FRMD5: variants seen among roughly 807,000 people sequenced by gnomAD.
FRMD5 encodes the protein FERM domain-containing protein 5.
A neutral mutation model predicts 69.0 loss-of-function variants in FRMD5; 20 were observed. The observed-to-expected ratio is 0.29, with a 90% CI of 0.20 to 0.42. FRMD5 has a LOEUF of 0.42. Ranked by LOEUF, FRMD5 falls within the 10% of genes least tolerant of loss-of-function variation. The pLI is 1.00. For synonymous variants in FRMD5, 271 were observed against 260.1 expected (o/e 1.04, Z -0.40); for missense variants, 595 against 708.6 (o/e 0.84, Z 1.82).
At chr15:44,121,442 T>C (rs2076949746) in intron 1 of FRMD5, among the ~76,000 whole-genome samples, 1 of 152,118 alleles carries the variant, frequency 6.6e-6, no homozygotes, top group Non-Finnish European at 1.5e-5. Flanking sequence ...TATTGCCATA[T>C]TAGTGCTGAA....
Position 43,874,204 on chromosome 15 carries a change from C to A in FRMD5, c.1394G>T (p.Ser465Ile), listed in dbSNP as rs114372958. 8.7e-4 allele frequency: 1,412 copies of A among 1,614,204 alleles called. 16 individuals carry two copies. In the African/African-American group the frequency reaches 0.017, roughly 19 times the overall value. ...CTCCACCTCTGTAGCAGTTGGGGTG[C>A]TGGCTTCAGATTCCTTCTCCTCCTC... The part of the protein sequence containing the change: ...SIEEEKESEA[S>I]TPTATEVEAL... Residue 465 changes from serine to isoleucine, a missense_variant, in exon 14 of 14, where the codon AGC becomes ATC. This residue lies in a region of FRMD5 where 245 missense variants were observed against 227.1 expected (regional missense o/e 1.08). Transcript: ENST00000417257.
chr15:43,882,997 G>A (rs1267032695), intron 13 of FRMD5, among the ~76,000 whole-genome samples: 1 of 151,912 alleles, frequency 6.6e-6, no homozygotes, highest in Non-Finnish European at 1.5e-5. Flanking sequence ...GGTAGAGAAG[G>A]GGTTTCACCA....
intron 1 of FRMD5, among the ~76,000 whole-genome samples, chr15:43,956,815 C>T (rs1595558574): frequency 6.6e-6 from 1 of 152,224 alleles, no homozygotes; most frequent in African/African-American, 2.4e-5. Context: ...GAGGGGATTA[C>T]TGATGTTCAT....
At chr15:44,108,791 C>T (rs1013939410) in intron 1 of FRMD5, among the ~76,000 whole-genome samples, 1 of 151,860 alleles carries the variant, frequency 6.6e-6, no homozygotes, top group East Asian at 1.9e-4. Flanking sequence ...CAGTGAGACA[C>T]CTCTACCAGT....
In FRMD5 at chr15:43,928,425, G is replaced by C. The variant is rs150429721; in HGVS notation, c.103-4116C>G. 9.2e-5 allele frequency among the ~76,000 whole-genome samples: 14 copies of C among 152,342 alleles called. No homozygotes were observed. In the East Asian group the frequency reaches 2.7e-3, roughly 29 times the overall value. On this transcript the variant is annotated intron_variant, in intron 1 of 13. Transcript: ENST00000417257. ...AGAGGCACCTTTCACAGAGGGTTGC[G>C]ACAAAGCCCTTCCTTTGAGGCACTC...
rs183790219 is a variant in FRMD5 at position 44,140,848 on chromosome 15, A to C, written c.102+54105T>G. Among the ~76,000 whole-genome samples the C allele has an allele frequency of 4.4e-3, 564 of 127,338 alleles. 3 individuals are homozygous for C. Among genetic ancestry groups the C allele is most frequent in the Non-Finnish European group, 5.9e-3 (376 of 64,238 alleles). The allele number at this position is 127,338 out of a possible 152,430, so 83.5% of individuals were successfully genotyped here. A position where few individuals can be genotyped will look rare whatever the true frequency, so the allele number is the denominator to read the frequency against. ...CAATGATCCAAGATCACATCATTGC[A>C]CTCTAGCCTGGGTGACAGAGTGAGA... is the stretch of plus-strand genomic sequence containing the variant. On this transcript the variant is annotated intron_variant, in intron 1 of 13. Coordinates refer to ENST00000417257, the MANE Select transcript of FRMD5 (RefSeq NM_032892.5).
chr15:43,903,619 A>G lies in FRMD5; in HGVS notation c.552-1357T>C, dbSNP rs2089100482. On this transcript the variant is annotated intron_variant, in intron 6 of 13. Coordinates refer to ENST00000417257, the MANE Select transcript of FRMD5 (RefSeq NM_032892.5). ...ACTTCTGCATCCACTAGTGTACCTG[A>G]GGCACAGGGAAGGTAAGTTAGGAAA... is the stretch of plus-strand genomic sequence containing the variant. Among the ~76,000 whole-genome samples the G allele has an allele frequency of 2.0e-5, 3 of 152,324 alleles. No homozygotes were observed. In the South Asian group the frequency reaches 6.2e-4, roughly 32 times the overall value.
chr15:44,187,780 G>T (rs2078126968), intron 1 of FRMD5, among the ~76,000 whole-genome samples: 1 of 152,012 alleles, frequency 6.6e-6, no homozygotes, highest in South Asian at 2.1e-4. Context: ...TGTTGCCCAG[G>T]ATAGACTCAA....
chr15:43,936,452 A>G (rs2089762515), intron 1 of FRMD5, among the ~76,000 whole-genome samples: 1 of 152,110 alleles, frequency 6.6e-6, no homozygotes, highest in Non-Finnish European at 1.5e-5. Context: ...TGGCCTCCCA[A>G]TGTGCTGGGA....
intron 6 of FRMD5, among the ~76,000 whole-genome samples, chr15:43,904,023 C>T (rs1232442841): frequency 6.6e-6 from 1 of 152,310 alleles, no homozygotes; most frequent in African/African-American, 2.4e-5. Context: ...CCTGGGAAGG[C>T]ACACCGAGGG....
intron 1 of FRMD5, among the ~76,000 whole-genome samples, chr15:44,094,829 A>G (rs1175944194): frequency 6.6e-6 from 1 of 152,126 alleles, no homozygotes; most frequent in Admixed American, 6.6e-5. Flanking sequence ...AATCAGACCA[A>G]GTTCATCCAC....
At chr15:44,161,972 T>C (rs1168483848) in intron 1 of FRMD5, among the ~76,000 whole-genome samples, 1 of 150,000 alleles carries the variant, frequency 6.7e-6, no homozygotes, top group African/African-American at 2.4e-5. Flanking sequence ...GACTTCCCTC[T>C]TTTCCTTGTC....
intron 1 of FRMD5, among the ~76,000 whole-genome samples, chr15:44,116,798 C>T (rs879503346): frequency 1.3e-5 from 2 of 152,058 alleles, no homozygotes; most frequent in Non-Finnish European, 2.9e-5. Flanking sequence ...TGTGACTGCA[C>T]GGGCTGGGTG....
chr15:44,016,954 T>C (rs924487931), intron 1 of FRMD5, among the ~76,000 whole-genome samples: 1 of 152,006 alleles, frequency 6.6e-6, no homozygotes, highest in African/African-American at 2.4e-5. Context: ...TAATTTTTTG[T>C]AGAAACAGGT....
chr15:44,143,509 A>G (rs2077304402), intron 1 of FRMD5, among the ~76,000 whole-genome samples: 1 of 151,992 alleles, frequency 6.6e-6, no homozygotes, highest in African/African-American at 2.4e-5. Context: ...TTGCTACTTA[A>G]GGCATCTTTC....
chr15:44,157,122 T>C (rs2077541226), intron 1 of FRMD5, among the ~76,000 whole-genome samples: 1 of 152,188 alleles, frequency 6.6e-6, no homozygotes, highest in Non-Finnish European at 1.5e-5. Context: ...TCATATTAAA[T>C]ACATACAATA....
At chr15:43,998,199 C>T (rs1595604408) in intron 1 of FRMD5, among the ~76,000 whole-genome samples, 2 of 152,086 alleles carry the variant, frequency 1.3e-5, no homozygotes, top group Non-Finnish European at 2.9e-5. Context: ...ATAAGACTAT[C>T]GCCTTTTAGT....
At chr15:43,887,726 C>T (rs1029317516) in intron 10 of FRMD5, among the ~76,000 whole-genome samples, 1 of 152,220 alleles carries the variant, frequency 6.6e-6, no homozygotes, top group African/African-American at 2.4e-5. Context: ...GTTACTGGAA[C>T]TGGGACCTGG....
At chr15:44,191,936 A>G (rs1038354542) in intron 1 of FRMD5, among the ~76,000 whole-genome samples, 3 of 122,864 alleles carry the variant, frequency 2.4e-5, no homozygotes, top group African/African-American at 9.5e-5. Flanking sequence ...ATATATATAT[A>G]TATATGTATC....
Sources: gnomAD v4.1 joint callset for allele counts (sites outside exome capture counted in the v4.1 genomes callset) on GRCh38, gnomAD v4.1.1 for gene constraint, gnomAD v4.1.1 regional missense constraint, MANE v1.5 for transcripts, NCBI Gene and HGNC (gene_info 2026-07-23, HGNC 2026-07-21) for gene names.